SPMAP2: variants seen among roughly 807,000 people sequenced by gnomAD.
The protein encoded by SPMAP2 is sperm microtubule associated protein 2.
At chr19:372,602 G>A in the SPMAP2 span, 100 of 1,610,088 alleles carry the variant, frequency 6.2e-5, no homozygotes, top group East Asian at 2.2e-3. Flanking sequence ...TCTGCCTTCT[G>A]AGTAGCCACC....
At chr19:368,362 C>T in the SPMAP2 span, among the ~76,000 whole-genome samples, 3 of 152,084 alleles carry the variant, frequency 2.0e-5, no homozygotes, top group Non-Finnish European at 2.9e-5. The surrounding 1 kb of genome is among the most constrained non-coding windows in gnomAD (Gnocchi z 4.1). Context: ...CTCCCGTACA[C>T]GTGTGTAGGA....
the SPMAP2 span, among the ~76,000 whole-genome samples, chr19:375,059 G>GGCACCGCCTGCCCAGTGACACATGTTT: frequency 6.6e-6 from 1 of 152,178 alleles, no homozygotes; most frequent in African/African-American, 2.4e-5. Context: ...ACCACGGTGA[G>GGCACCGCCTGCCCAGTGACACATGTTT]AAGGGGGCAG....
At chr19:362,110 G>T in the SPMAP2 span, 2 of 990,872 alleles carry the variant, frequency 2.0e-6, no homozygotes, top group Non-Finnish European at 2.8e-6. Context: ...TGGCCTTCTA[G>T]CCCGCCCTCC....
chr19:373,644 G>C, the SPMAP2 span: 1 of 1,022,574 alleles, frequency 9.8e-7, no homozygotes. Context: ...GAGTTGCTGG[G>C]AGAGGGGGTA....
the SPMAP2 span, among the ~76,000 whole-genome samples, chr19:367,604 C>T: frequency 6.6e-6 from 1 of 152,234 alleles, no homozygotes; most frequent in Non-Finnish European, 1.5e-5. Flanking sequence ...GAGAGGCTCT[C>T]ATGCATGACT....
At chr19:375,647 G>C in the SPMAP2 span, 1 of 1,535,600 alleles carries the variant, frequency 6.5e-7, no homozygotes, top group East Asian at 2.4e-5. Context: ...AGGCAGGCCC[G>C]TTCCCCGGTG....
chr19:370,558 G>A, the SPMAP2 span, among the ~76,000 whole-genome samples: 1 of 150,360 alleles, frequency 6.7e-6, no homozygotes, highest in Non-Finnish European at 1.5e-5. Context: ...CACCATGTTA[G>A]CCAGGATGGT....
At chr19:374,145 C>T in the SPMAP2 span, 1 of 1,459,044 alleles carries the variant, frequency 6.9e-7, no homozygotes, top group African/African-American at 1.4e-5. Context: ...CTGGCCACCT[C>T]CTTAACTGGC....
chr19:367,763 T>C, the SPMAP2 span, among the ~76,000 whole-genome samples: 1 of 152,100 alleles, frequency 6.6e-6, no homozygotes, highest in East Asian at 1.9e-4. Flanking sequence ...TGCAGCTTAG[T>C]TACCACACAC....
chr19:367,281 C>A, the SPMAP2 span: 1 of 1,486,038 alleles, frequency 6.7e-7, no homozygotes, highest in Non-Finnish European at 9.0e-7. Flanking sequence ...GCCTCGTGGG[C>A]CCTGGAGCTG....
chr19:362,717 G>C, the SPMAP2 span, among the ~76,000 whole-genome samples: 1 of 138,776 alleles, frequency 7.2e-6, no homozygotes, highest in Admixed American at 7.8e-5. Context: ...AGTGAGCGCA[G>C]ATCGCGTCAC....
the SPMAP2 span, chr19:374,231 G>C: frequency 1.3e-6 from 2 of 1,590,732 alleles, no homozygotes; most frequent in Non-Finnish European, 1.7e-6. Context: ...GACAGGAGGA[G>C]CCCGGGAAGG....
chr19:363,477 G>A, the SPMAP2 span, among the ~76,000 whole-genome samples: 1 of 151,868 alleles, frequency 6.6e-6, no homozygotes. Context: ...ACAGGCGTGA[G>A]CCACTGTGCC....
At chr19:362,443 A>G in the SPMAP2 span, 2 of 1,581,130 alleles carry the variant, frequency 1.3e-6, no homozygotes, top group Non-Finnish European at 8.6e-7. Flanking sequence ...GGGGCAGAAG[A>G]GAAGGACAGC....
At chr19:366,914 A>T in the SPMAP2 span, 1 of 908,062 alleles carries the variant, frequency 1.1e-6, no homozygotes, top group Non-Finnish European at 1.7e-6. Context: ...CTCAGACAAC[A>T]CCCTCTGCTT....
At chr19:365,339 C>A in the SPMAP2 span, among the ~76,000 whole-genome samples, 1 of 152,236 alleles carries the variant, frequency 6.6e-6, no homozygotes, top group Admixed American at 6.5e-5. Context: ...CCTAAGGGGG[C>A]TGGAAGAACC....
At chr19:362,251 T>C in the SPMAP2 span, 1 of 1,575,800 alleles carries the variant, frequency 6.3e-7, no homozygotes, top group East Asian at 2.3e-5. Flanking sequence ...CTTTTGGGGG[T>C]GGCAAGCTCA....
the SPMAP2 span, chr19:375,658 C>T: frequency 1.9e-6 from 3 of 1,548,478 alleles, no homozygotes; most frequent in Non-Finnish European, 2.6e-6. Context: ...TTCCCCGGTG[C>T]CCACCTGATT....
chr19:365,948 C>G, the SPMAP2 span, among the ~76,000 whole-genome samples: 1 of 152,288 alleles, frequency 6.6e-6, no homozygotes, highest in Non-Finnish European at 1.5e-5. Flanking sequence ...CAAGACCAGC[C>G]TGGCCAACAT....
Sources: gnomAD v4.1 joint callset for allele counts (sites outside exome capture counted in the v4.1 genomes callset) on GRCh38, gnomAD v4.1.1 for gene constraint, Gnocchi (gnomAD v3.1) non-coding constraint, MANE v1.5 for transcripts, NCBI Gene and HGNC (gene_info 2026-07-23, HGNC 2026-07-21) for gene names.